The following RPTOR variants were observed in gnomAD, a reference collection of about 807,000 sequenced individuals.
RPTOR encodes regulatory-associated protein of mTOR.
A neutral mutation model predicts 169.9 loss-of-function variants in RPTOR; 21 were observed. The ratio of observed to expected loss-of-function variants is 0.12; its 90% CI spans 0.09 to 0.18. RPTOR has a LOEUF of 0.18. Ranked by LOEUF, RPTOR falls within the 10% of genes least tolerant of loss-of-function variation. The pLI is 1.00. For synonymous variants in RPTOR, 732 were observed against 753.2 expected (o/e 0.97, Z 0.46); for missense variants, 1,133 against 1,855.9 (o/e 0.61, Z 7.16).
intron 31 of RPTOR, among the ~76,000 whole-genome samples, 185 bp from the exon 32 acceptor site, chr17:80,962,276 G>A (rs1017303556): frequency 3.9e-5 from 6 of 152,218 alleles, no homozygotes; most frequent in Non-Finnish European, 8.8e-5. Flanking sequence ...GACCAGTATG[G>A]GTGCATGTCT....
intron 1 of RPTOR, among the ~76,000 whole-genome samples, chr17:80,623,752 T>A (rs925561545): frequency 6.6e-6 from 1 of 152,162 alleles, no homozygotes; most frequent in South Asian, 2.1e-4. Flanking sequence ...GCCAGGCTGA[T>A]CTTGAACTCC....
rs537857567 is a variant in RPTOR, at chr17:80,668,986, C to T, written c.348+25176C>T. On this transcript the variant is annotated intron_variant, in intron 3 of 33. Transcript: ENST00000306801. ...GCAGTGCTGTGGGTCTGCTGCCTCCCGGGTGCTTCTCACACCACAGAGGCT... is the reference window on the plus strand; with the variant it reads ...GCAGTGCTGTGGGTCTGCTGCCTCCTGGGTGCTTCTCACACCACAGAGGCT... Among the ~76,000 whole-genome samples the T allele has an allele frequency of 1.6e-4, 24 of 152,318 alleles. No homozygotes were observed. The East Asian group carries it at 2.1e-3, about 13-fold the overall frequency.
chr17:80,709,087 G>GA, intron 4 of RPTOR: 3 of 985,514 alleles, frequency 3.0e-6, no homozygotes, highest in Non-Finnish European at 3.6e-6. Context: ...TGGACACTGA[G>GA]GAGTAGCCAG....
Position 80,826,715 on chromosome 17 carries a change from G to T in RPTOR, c.1136+3492G>T, listed in dbSNP as rs889922169. Reference sequence around the variant, plus strand: ...GGGATGAAGACTGAAGAAGAACCAGGCCAGGAGTGGTGAAGGGCAGGGCTC... The same window carrying T: ...GGGATGAAGACTGAAGAAGAACCAGTCCAGGAGTGGTGAAGGGCAGGGCTC... On this transcript the variant is annotated intron_variant, in intron 9 of 33. Coordinates refer to ENST00000306801, the MANE Select transcript of RPTOR (RefSeq NM_020761.3). Among the ~76,000 whole-genome samples, 4 of 152,364 alleles carry T rather than the reference G, an allele frequency of 2.6e-5. No homozygotes were observed. The South Asian group carries it at 8.3e-4, about 32-fold the overall frequency.
chr17:80,712,165 T>G (rs1409536593), intron 4 of RPTOR, among the ~76,000 whole-genome samples: 1 of 152,208 alleles, frequency 6.6e-6, no homozygotes, highest in East Asian at 1.9e-4. Flanking sequence ...GTTAATATCT[T>G]GCTTTGGTTT....
At position 80,721,347 on chromosome 17, in the gene RPTOR, A is replaced by G. The variant is rs150296681; in HGVS notation, c.508-9213A>G. Among the ~76,000 whole-genome samples the G allele has an allele frequency of 5.3e-5, 8 of 151,568 alleles. No homozygotes were observed. In the East Asian group the frequency reaches 1.5e-3, roughly 29 times the overall value. Reference sequence around the variant, plus strand: ...GGACGCGGCGGAAGTGCAAGCGGGAAAAAGGATGGCAAGTTGAGTAACCTC... The same window carrying G: ...GGACGCGGCGGAAGTGCAAGCGGGAGAAAGGATGGCAAGTTGAGTAACCTC... On this transcript the variant is annotated intron_variant, in intron 4 of 33. Coordinates refer to ENST00000306801, the MANE Select transcript of RPTOR (RefSeq NM_020761.3). The surrounding 1 kb of genome is among the most constrained non-coding windows in gnomAD (Gnocchi z 4.7).
rs928112437 is a variant in RPTOR, at chr17:80,959,558, C to T, written c.3478-520C>T. 1.6e-4 allele frequency among the ~76,000 whole-genome samples: 24 copies of T among 152,206 alleles called. No individual in the cohort carries two copies. The highest frequency in any genetic ancestry group is 5.5e-4 in the African/African-American group (23 of 41,450). On this transcript the variant is annotated intron_variant, in intron 29 of 33. Coordinates refer to ENST00000306801, the MANE Select transcript of RPTOR (RefSeq NM_020761.3). This position sits in a 1 kb window ranked among gnomAD's most constrained non-coding sequence, Gnocchi z 6.7. ...CTCCTGCGTCCCTGGCAGGTGCCAT[C>T]GCCCCCGCCCCCGCTTCTCCAGCAC... is the stretch of plus-strand genomic sequence containing the variant.
intron 5 of RPTOR, among the ~76,000 whole-genome samples, chr17:80,742,943 T>TACAC (rs138446030): frequency 1.8e-4 from 27 of 150,840 alleles, no homozygotes; most frequent in Admixed American, 5.9e-4. Flanking sequence ...CACTCACCTA[T>TACAC]ACACACACAC....
At chr17:80,556,019 G>GTTTTTTTTTTTTTTTTTTTTTTTTTT (rs143244019) in intron 1 of RPTOR, among the ~76,000 whole-genome samples, 2 of 146,398 alleles carry the variant, frequency 1.4e-5, no homozygotes. Context: ...GATCTAAAAA[G>GTTTTTTTTTTTTTTTTTTTTTTTTTT]TTTTTTGTTT....
In RPTOR at chr17:80,649,738, A is replaced by G. The variant is rs117944356; in HGVS notation, c.348+5928A>G. ...GTTCCTATGATCAATGTTTTTACTTATATTTTTGCCTTGGCCTCAGCAGTG... is the reference window on the plus strand; with the variant it reads ...GTTCCTATGATCAATGTTTTTACTTGTATTTTTGCCTTGGCCTCAGCAGTG... On this transcript the variant is annotated intron_variant, in intron 3 of 33. Transcript: ENST00000306801. Among the ~76,000 whole-genome samples the G allele has an allele frequency of 8.1e-3, 1,232 of 152,288 alleles. 8 individuals are homozygous for G. Among genetic ancestry groups the G allele is most frequent in the Middle Eastern group, 0.014 (4 of 294 alleles).
intron 13 of RPTOR, among the ~76,000 whole-genome samples, chr17:80,867,672 G>A (rs981195448): frequency 1.8e-4 from 28 of 152,132 alleles, no homozygotes; most frequent in African/African-American, 5.3e-4. Flanking sequence ...TAGTAAGTTT[G>A]CAGGTTATAA....
chr17:80,754,267 T>A lies in RPTOR; in HGVS notation c.830+82T>A. The A allele has an allele frequency of 2.9e-6, 4 of 1,393,376 alleles. No individual in the cohort carries two copies. The highest frequency in any genetic ancestry group is 3.9e-6 in the Non-Finnish European group (4 of 1,032,484). 86.3% of individuals were successfully genotyped at this position (1,393,376 alleles called of 1,614,324 possible). On this transcript the variant is annotated intron_variant, in intron 6 of 33. Transcript: ENST00000306801. This position sits in a 1 kb window ranked among gnomAD's most constrained non-coding sequence, Gnocchi z 4.2. ...CCCCAACCCATGTGGGCCCCAGGCA[T>A]TCACCTGGTCCCAGGAGCCCACGTG... is the stretch of plus-strand genomic sequence containing the variant.
At chr17:80,589,397 C>T (rs988305003) in intron 1 of RPTOR, among the ~76,000 whole-genome samples, 3 of 152,142 alleles carry the variant, frequency 2.0e-5, no homozygotes, top group African/African-American at 7.2e-5. Context: ...CACATCTCCC[C>T]ATTTGGATCC....
At chr17:80,674,268 GT>G (rs1213211869) in intron 3 of RPTOR, among the ~76,000 whole-genome samples, 1 of 152,168 alleles carries the variant, frequency 6.6e-6, no homozygotes, top group Non-Finnish European at 1.5e-5. Flanking sequence ...GGGGCAAAAT[GT>G]TTTTTGAAGT....
At chr17:80,743,845 T>C (rs71368080) in intron 5 of RPTOR, among the ~76,000 whole-genome samples, 655 of 63,322 alleles carry the variant, frequency 0.01, 24 homozygotes, top group African/African-American at 0.027. Context: ...ACAGCCCTGG[T>C]TACTAGCAGA....
At chr17:80,627,473 G>A (rs1163424714) in intron 2 of RPTOR, among the ~76,000 whole-genome samples, 1 of 152,084 alleles carries the variant, frequency 6.6e-6, no homozygotes, top group Non-Finnish European at 1.5e-5. Flanking sequence ...CTTTGTAATC[G>A]ATCCCCTCTC....
Position 80,957,605 on chromosome 17 carries a change from TC to T in RPTOR, c.3371-16del. On this transcript the variant is annotated intron_variant, in intron 28 of 33. Coordinates refer to ENST00000306801, the MANE Select transcript of RPTOR (RefSeq NM_020761.3). The surrounding 1 kb of genome is among the most constrained non-coding windows in gnomAD (Gnocchi z 4.6). ...CAAGGGCCCATGGGGTGATGCCATG[TC>T]CCACTGTATCTCTCCAGGAGCTGGG... The T allele has an allele frequency of 6.2e-7, 1 of 1,610,526 alleles. No individual in the cohort carries two copies. The highest frequency in any genetic ancestry group is 8.5e-7 in the Non-Finnish European group (1 of 1,176,834).
intron 2 of RPTOR, among the ~76,000 whole-genome samples, chr17:80,628,172 C>T (rs1453277867): frequency 2.0e-5 from 3 of 152,178 alleles, no homozygotes; most frequent in African/African-American, 7.2e-5. Flanking sequence ...AACTGCTGAA[C>T]TGTCGGTTTT....
Position 80,612,186 on chromosome 17 carries a change from A to G in RPTOR, c.163-13505A>G, listed in dbSNP as rs140922697. Among the ~76,000 whole-genome samples, 25 of 152,262 alleles carry G rather than the reference A, an allele frequency of 1.6e-4. No individual in the cohort carries two copies. The East Asian group carries it at 4.4e-3, about 27-fold the overall frequency. ...ACTCTTTCACCCAGGCTAGAGTACA[A>G]TGGTATCATCATAGCTCACTGTAAC... On this transcript the variant is annotated intron_variant, in intron 1 of 33. Coordinates refer to ENST00000306801, the MANE Select transcript of RPTOR (RefSeq NM_020761.3).
Sources: allele counts gnomAD v4.1 joint callset (sites outside exome capture counted in the v4.1 genomes callset), GRCh38; gene constraint gnomAD v4.1.1; non-coding constraint Gnocchi (gnomAD v3.1); transcripts MANE v1.5; gene names NCBI Gene and HGNC (gene_info 2026-07-23, HGNC 2026-07-21).